The following WASHC3 variants were observed in gnomAD, a reference collection of about 807,000 sequenced individuals.
WASHC3 encodes the protein WASH complex subunit 3, also known as WASH complex subunit CCDC53.
In WASHC3, 24 loss-of-function variants were observed where a neutral mutation model predicts 26.1. The ratio of observed to expected loss-of-function variants is 0.92; its 90% CI spans 0.66 to 1.29. WASHC3 has a LOEUF of 1.29. Among genes scored for constraint, WASHC3 ranks in the 50% most tolerant of loss-of-function variants. The pLI is 0.00. For missense variants in WASHC3, 214 were observed against 229.6 expected, an observed-to-expected ratio of 0.93 and a Z score of 0.44; for synonymous variants, 77 against 75.7, an observed-to-expected ratio of 1.02 and a Z score of -0.09.
chr12:102,029,070 A>G (rs1278043291), intron 5 of WASHC3, among the ~76,000 whole-genome samples: 1 of 152,216 alleles, frequency 6.6e-6, no homozygotes, highest in Non-Finnish European at 1.5e-5. Context: ...ATAAAAAAGA[A>G]TAATTTGGCC....
intron 4 of WASHC3, chr12:102,040,560 G>A (rs1308104987): frequency 1.3e-5 from 2 of 151,944 alleles, no homozygotes; most frequent in East Asian, 3.8e-4. Flanking sequence ...AGATACTGAT[G>A]GAACTATTAA....
intron 2 of WASHC3, among the ~76,000 whole-genome samples, chr12:102,052,425 A>T (rs1262067056): frequency 1.3e-5 from 2 of 152,042 alleles, no homozygotes; most frequent in Non-Finnish European, 2.9e-5. Context: ...ACTAGGCTGG[A>T]TCACCCAGTC....
chr12:102,053,838 A>G (rs533737016), intron 2 of WASHC3, among the ~76,000 whole-genome samples: 1 of 152,252 alleles, frequency 6.6e-6, no homozygotes, highest in South Asian at 2.1e-4. Flanking sequence ...TAAATCACTT[A>G]TATCTTTAGT....
chr12:102,049,453 A>C (rs566762451), intron 2 of WASHC3, among the ~76,000 whole-genome samples: 59 of 152,300 alleles, frequency 3.9e-4, no homozygotes, highest in Middle Eastern at 3.4e-3. Context: ...TTGAAATGCT[A>C]TGGTTTGGGA....
intron 6 of WASHC3, among the ~76,000 whole-genome samples, chr12:102,024,483 G>A (rs550087480): frequency 6.2e-4 from 95 of 152,298 alleles, no homozygotes; most frequent in South Asian, 1.0e-3. Context: ...CACTGTAGTG[G>A]GTAAGGAAGA....
intron 6 of WASHC3, among the ~76,000 whole-genome samples, chr12:102,015,482 G>A (rs1334605521): frequency 6.6e-6 from 1 of 152,218 alleles, no homozygotes; most frequent in East Asian, 1.9e-4. Flanking sequence ...CCAACTTTGG[G>A]GAAGCTATTT....
At chr12:102,021,365 AG>A (rs1876949984) in intron 6 of WASHC3, among the ~76,000 whole-genome samples, 1 of 152,220 alleles carries the variant, frequency 6.6e-6, no homozygotes. Context: ...CAGCTGTTCT[AG>A]GTAGGATGGA....
At chr12:102,029,811 T>A (rs1877355606) in intron 5 of WASHC3, among the ~76,000 whole-genome samples, 1 of 152,124 alleles carries the variant, frequency 6.6e-6, no homozygotes, top group African/African-American at 2.4e-5. Context: ...AAAAAATAGA[T>A]CTATTGAATA....
intron 5 of WASHC3, among the ~76,000 whole-genome samples, chr12:102,026,301 C>T (rs1218941783): frequency 6.6e-6 from 1 of 152,064 alleles, no homozygotes; most frequent in African/African-American, 2.4e-5. Context: ...GTATACAGAA[C>T]AGAGATCATA....
chr12:102,037,028 T>C lies in WASHC3; in HGVS notation c.435+2840A>G, dbSNP rs138197532. ...TTTAAAAATATTTTTAAGCAATTCT[T>C]AATCAGGAGTTTTTTTCCAAAATAC... On this transcript the variant is annotated intron_variant, in intron 5 of 6. Coordinates refer to ENST00000240079, the MANE Select transcript of WASHC3 (RefSeq NM_016053.4). Among the ~76,000 whole-genome samples, 83 of 152,374 alleles carry C rather than the reference T, an allele frequency of 5.4e-4. No individual in the cohort carries two copies. In the East Asian group the frequency reaches 0.013, roughly 23 times the overall value.
At chr12:102,016,020 G>A (rs1876685133) in intron 6 of WASHC3, among the ~76,000 whole-genome samples, 2 of 151,998 alleles carry the variant, frequency 1.3e-5, no homozygotes, top group South Asian at 2.1e-4. Context: ...CTCCTGAGTA[G>A]CTGAGACTAC....
intron 5 of WASHC3, among the ~76,000 whole-genome samples, chr12:102,039,141 T>G (rs921432468): frequency 1.8e-4 from 27 of 147,576 alleles, no homozygotes; most frequent in African/African-American, 6.5e-4. Context: ...TTTTTTTTTT[T>G]TTTTTTTTTT....
At chr12:102,016,331 A>G (rs1222912886) in intron 6 of WASHC3, among the ~76,000 whole-genome samples, 1 of 151,852 alleles carries the variant, frequency 6.6e-6, no homozygotes, top group African/African-American at 2.4e-5. Flanking sequence ...CAGCCTCCTG[A>G]GTAGCTGGGA....
chr12:102,047,133 C>T (rs1325662870), intron 2 of WASHC3, among the ~76,000 whole-genome samples: 1 of 152,146 alleles, frequency 6.6e-6, no homozygotes, highest in Admixed American at 6.5e-5. Flanking sequence ...TAAAATATGA[C>T]CATTCAAGTA....
chr12:102,048,174 G>T (rs1183849562), intron 2 of WASHC3: 3 of 152,134 alleles, frequency 2.0e-5, no homozygotes, highest in Non-Finnish European at 4.4e-5. Context: ...CATTTACAAA[G>T]TGGTTCTGAA....
intron 2 of WASHC3, among the ~76,000 whole-genome samples, chr12:102,049,335 G>A (rs1346650254): frequency 6.6e-6 from 1 of 152,154 alleles, no homozygotes; most frequent in Admixed American, 6.5e-5. Context: ...TAACATAATC[G>A]GTGACAGTAG....
At chr12:102,049,264 A>G (rs1189305007) in intron 2 of WASHC3, among the ~76,000 whole-genome samples, 1 of 152,234 alleles carries the variant, frequency 6.6e-6, no homozygotes, top group Non-Finnish European at 1.5e-5. Context: ...AGACATAGCC[A>G]TATGTCCCCT....
intron 2 of WASHC3, among the ~76,000 whole-genome samples, chr12:102,049,464 T>C (rs1007070124): frequency 6.6e-6 from 1 of 152,148 alleles, no homozygotes; most frequent in Admixed American, 6.5e-5. Context: ...TGGTTTGGGA[T>C]AACAGGGGAA....
rs1877875233 is a variant in WASHC3, at chr12:102,039,995, G to A, written c.325-17C>T. 8.0e-7 allele frequency: 1 copy of A among 1,246,172 alleles called. No homozygotes were observed. Among genetic ancestry groups the A allele is most frequent in the Non-Finnish European group, 1.1e-6 (1 of 870,614 alleles). The allele number at this position is 1,246,172 out of a possible 1,614,324, so 77.2% of individuals were successfully genotyped here. A position where few individuals can be genotyped will look rare whatever the true frequency, so the allele number is the denominator to read the frequency against. On this transcript the variant is annotated splice_polypyrimidine_tract_variant and intron_variant, in intron 4 of 6. Coordinates refer to ENST00000240079, the MANE Select transcript of WASHC3 (RefSeq NM_016053.4). ...ACTGTTCTGCTGTAGAGAGTATTTG[G>A]TGTAAATCTTTAGACAATTTACAAA...
Sources: allele counts gnomAD v4.1 joint callset (sites outside exome capture counted in the v4.1 genomes callset), GRCh38; gene constraint gnomAD v4.1.1; transcripts MANE v1.5; gene names NCBI Gene and HGNC (gene_info 2026-07-23, HGNC 2026-07-21).